PTPRB: variants seen among roughly 807,000 people sequenced by gnomAD.
PTPRB encodes protein tyrosine phosphatase receptor type B, also known as receptor-type tyrosine-protein phosphatase beta.
A neutral mutation model predicts 238.1 loss-of-function variants in PTPRB; 97 were observed. The observed-to-expected ratio is 0.41, with a 90% CI of 0.35 to 0.48. The LOEUF is 0.48. Ranked by LOEUF, PTPRB falls within the 20% of genes least tolerant of loss-of-function variation. The probability of loss-of-function intolerance (pLI) is 0.30; values close to 1 mark genes in which losing one functional copy is unlikely to be tolerated. For synonymous variants in PTPRB, 970 were observed against 995.4 expected (o/e 0.97, Z 0.48); for missense variants, 2,292 against 2,681.9 (o/e 0.85, Z 3.21).
At chr12:70,535,639 T>C (rs1316934680) in intron 29 of PTPRB, among the ~76,000 whole-genome samples, 1 of 152,198 alleles carries the variant, frequency 6.6e-6, no homozygotes, top group Admixed American at 6.5e-5. Context: ...ATTATTTTAC[T>C]TTGTGTCTGC....
chr12:70,594,389 T>C, intron 6 of PTPRB, 78 bp downstream of exon 6: 1 of 1,540,152 alleles, frequency 6.5e-7, no homozygotes, highest in Non-Finnish European at 8.9e-7. Context: ...ATTACAGTTA[T>C]TCATATAATA....
intron 33 of PTPRB, 146 bp downstream of exon 33, chr12:70,524,325 G>C: frequency 2.5e-6 from 2 of 815,434 alleles, no homozygotes; most frequent in East Asian, 6.0e-5. Context: ...ATGTTGCCCA[G>C]GCTGGTTTCA....
intron 33 of PTPRB, among the ~76,000 whole-genome samples, chr12:70,524,130 G>T (rs1460948112): frequency 6.6e-6 from 1 of 151,424 alleles, no homozygotes; most frequent in Admixed American, 6.6e-5. Flanking sequence ...TTTCTTAGAG[G>T]CAGGATCTTG....
intron 3 of PTPRB, among the ~76,000 whole-genome samples, chr12:70,615,754 CGCTAT>C (rs1884652194): frequency 6.6e-6 from 1 of 152,280 alleles, no homozygotes; most frequent in African/African-American, 2.4e-5. Flanking sequence ...AGCTGCTGTA[CGCTAT>C]GGATTTAGGA....
intron 21 of PTPRB, among the ~76,000 whole-genome samples, chr12:70,547,438 G>T (rs1385325782): frequency 6.6e-6 from 1 of 151,998 alleles, no homozygotes; most frequent in Non-Finnish European, 1.5e-5. Flanking sequence ...TTATACATTT[G>T]GAAATTCAGT....
intron 2 of PTPRB, among the ~76,000 whole-genome samples, chr12:70,634,507 T>A (rs191248122): frequency 2.0e-5 from 3 of 152,308 alleles, no homozygotes; most frequent in Non-Finnish European, 4.4e-5. Flanking sequence ...ATTTGTTACA[T>A]AGGTAAACGT....
chr12:70,576,668 GC>G (rs66828805), intron 10 of PTPRB, 23 bp from the exon 11 acceptor site: 5,085 of 284,860 alleles, frequency 0.018, 790 homozygotes, highest in African/African-American at 0.11. Context: ...AAGGTGGGGG[GC>G]GGGGGGGGGG....
At chr12:70,634,334 T>C (rs1026388242) in intron 2 of PTPRB, among the ~76,000 whole-genome samples, 1 of 152,244 alleles carries the variant, frequency 6.6e-6, no homozygotes, top group Non-Finnish European at 1.5e-5. Context: ...CAAAATTTTC[T>C]GGTGATTAAT....
intron 2 of PTPRB, among the ~76,000 whole-genome samples, chr12:70,628,684 T>C (rs1885311890): frequency 6.6e-6 from 1 of 152,140 alleles, no homozygotes; most frequent in African/African-American, 2.4e-5. Flanking sequence ...TAAGCTTTGT[T>C]GTCTGCTTGG....
At chr12:70,524,883 A>ATGTATATATGTGTATATATG (rs200209137) in intron 32 of PTPRB, among the ~76,000 whole-genome samples, 2 of 150,684 alleles carry the variant, frequency 1.3e-5, no homozygotes, top group Admixed American at 1.3e-4. Flanking sequence ...GTGTGTATAT[A>ATGTATATATGTGTATATATG]TGTATATATG....
intron 3 of PTPRB, among the ~76,000 whole-genome samples, chr12:70,622,161 C>G (rs1310147774): frequency 1.3e-5 from 2 of 152,184 alleles, no homozygotes; most frequent in African/African-American, 4.8e-5. Context: ...TACAGTTATT[C>G]CATGGCAGCC....
intron 10 of PTPRB, among the ~76,000 whole-genome samples, chr12:70,578,442 C>T (rs112144822): frequency 1.3e-5 from 2 of 152,084 alleles, no homozygotes; most frequent in Admixed American, 1.3e-4. Flanking sequence ...CCATTTTCCC[C>T]TTTATCGTGA....
intron 22 of PTPRB, among the ~76,000 whole-genome samples, chr12:70,543,301 T>C (rs1055837083): frequency 3.9e-5 from 6 of 152,348 alleles, no homozygotes; most frequent in African/African-American, 1.4e-4. Flanking sequence ...GATTTGTTTG[T>C]TCCATGTTGC....
At position 70,538,248 on chromosome 12, in the gene PTPRB, G is replaced by T. The variant is rs1421788571; in HGVS notation, c.5870-17C>A. On this transcript the variant is annotated splice_polypyrimidine_tract_variant and intron_variant, in intron 27 of 33. Coordinates refer to ENST00000334414, the MANE Select transcript of PTPRB (RefSeq NM_001109754.4). Reference sequence around the variant, plus strand: ...TGGCATCATCTGGAAGGAGAGATTTGCTGCTGAGTCTTGGAGTGACTTTTC... The same window carrying T: ...TGGCATCATCTGGAAGGAGAGATTTTCTGCTGAGTCTTGGAGTGACTTTTC... The T allele has an allele frequency of 1.9e-6, 3 of 1,609,656 alleles. No individual in the cohort carries two copies. In the Middle Eastern group the frequency reaches 5.0e-4, roughly 266 times the overall value.
At chr12:70,577,334 A>C (rs1429399344) in intron 10 of PTPRB, among the ~76,000 whole-genome samples, 1 of 152,124 alleles carries the variant, frequency 6.6e-6, no homozygotes, top group Non-Finnish European at 1.5e-5. Context: ...AACTATAATC[A>C]TTTGCTTATA....
At chr12:70,557,215 A>G (rs1877821941) in intron 18 of PTPRB, among the ~76,000 whole-genome samples, 1 of 152,248 alleles carries the variant, frequency 6.6e-6, no homozygotes, top group Non-Finnish European at 1.5e-5. Flanking sequence ...GGGATGGTAG[A>G]AAATTGAGAA....
chr12:70,544,937 A>G lies in PTPRB; in HGVS notation c.5388-274T>C, dbSNP rs2717416. Reference sequence around the variant, plus strand: ...CTGCCATTCCAGAGGTTACATTCTCATGGAGGAAGTCAGACAATAAACACA... The same window carrying G: ...CTGCCATTCCAGAGGTTACATTCTCGTGGAGGAAGTCAGACAATAAACACA... On this transcript the variant is annotated intron_variant, in intron 21 of 33. Coordinates refer to ENST00000334414, the MANE Select transcript of PTPRB (RefSeq NM_001109754.4). Among the ~76,000 whole-genome samples, 1,113 of 152,288 alleles carry G rather than the reference A, an allele frequency of 7.3e-3. 13 individuals carry two copies. Among genetic ancestry groups the G allele is most frequent in the African/African-American group, 0.025 (1,052 of 41,566 alleles).
Position 70,571,138 on chromosome 12 carries a change from A to G in PTPRB, c.3258T>C (p.Asn1086=), listed in dbSNP as rs2136377049. The change falls in exon 13 of 34, where the codon AAT becomes AAC. Residue 1086 remains asparagine, a synonymous_variant. Coordinates refer to ENST00000334414, the MANE Select transcript of PTPRB (RefSeq NM_001109754.4). ...MKVFPPFHLV[N]TATEYRFTSL... is the part of the protein sequence containing the mutation. ...AAGTAAATCGATACTCGGTTGCGGTATTTACAAGGTGAAAAGGAGGAAATA... is the reference window on the plus strand; with the variant it reads ...AAGTAAATCGATACTCGGTTGCGGTGTTTACAAGGTGAAAAGGAGGAAATA... 1.9e-6 allele frequency: 3 copies of G among 1,613,978 alleles called. No individual in the cohort carries two copies. Among genetic ancestry groups the G allele is most frequent in the South Asian group, 2.2e-5 (2 of 91,074 alleles).
chr12:70,531,718 G>T (rs1299020166), intron 32 of PTPRB, among the ~76,000 whole-genome samples: 1 of 151,728 alleles, frequency 6.6e-6, no homozygotes, highest in Non-Finnish European at 1.5e-5. Context: ...CTCCCTTGGG[G>T]TCTCCTGAAA....
Sources: allele counts gnomAD v4.1 joint callset (sites outside exome capture counted in the v4.1 genomes callset), GRCh38; gene constraint gnomAD v4.1.1; transcripts MANE v1.5; gene names NCBI Gene and HGNC (gene_info 2026-07-23, HGNC 2026-07-21).